The following JMY variants were observed in gnomAD, a reference collection of about 807,000 sequenced individuals.
The protein encoded by JMY is junction-mediating and -regulatory protein.
In JMY, 46 loss-of-function variants were observed where a neutral mutation model predicts 103.3. That is an observed-to-expected ratio of 0.45 (90% CI 0.35 to 0.57). The LOEUF (loss-of-function observed/expected upper bound fraction) is 0.57. JMY is among the 20% of genes least tolerant of loss of function. The pLI, the probability that JMY is intolerant of heterozygous loss-of-function variation, is 0.00. For missense variants in JMY, 1,238 were observed against 1,255.2 expected, an observed-to-expected ratio of 0.99 and a Z score of 0.21; for synonymous variants, 526 against 489.3, an observed-to-expected ratio of 1.07 and a Z score of -0.99.
intron 2 of JMY, 77 bp downstream of exon 2, chr5:79,278,160 A>G: frequency 1.9e-6 from 2 of 1,028,440 alleles, no homozygotes; most frequent in Non-Finnish European, 2.7e-6. Context: ...GTTATCCACA[A>G]GAGGAACTTT....
intron 1 of JMY, among the ~76,000 whole-genome samples, chr5:79,258,614 C>G (rs1013575374): frequency 3.3e-5 from 5 of 152,044 alleles, no homozygotes; most frequent in Admixed American, 6.5e-5. Flanking sequence ...GGTGGTGGGG[C>G]GGGCAGCTCC....
At chr5:79,310,308 G>A (rs1561313997) in intron 7 of JMY, among the ~76,000 whole-genome samples, 2 of 152,050 alleles carry the variant, frequency 1.3e-5, no homozygotes, top group Middle Eastern at 3.4e-3. Context: ...TTATCTGCCC[G>A]CCTCGCCTTC....
chr5:79,286,639 T>TA (rs58505099), intron 2 of JMY, among the ~76,000 whole-genome samples: 1,815 of 134,746 alleles, frequency 0.013, 20 homozygotes, highest in African/African-American at 0.032. Flanking sequence ...CAAGACTCCA[T>TA]AAAAAAAAAA....
rs1404063851 is a variant in JMY at position 79,271,313 on chromosome 5, C to T, written c.1033-6597C>T. ...TTCCAAAGTGCTGGGGTTACAGGTG[C>T]AATCCATCATGCTCAGCCTGTAGTT... On this transcript the variant is annotated intron_variant, in intron 1 of 10. Transcript: ENST00000396137. Among the ~76,000 whole-genome samples the T allele has an allele frequency of 2.0e-5, 3 of 151,924 alleles. No homozygotes were observed. The East Asian group carries it at 5.8e-4, about 29-fold the overall frequency.
intron 1 of JMY, 30 bp downstream of exon 1, chr5:79,237,712 T>TA: frequency 6.4e-7 from 1 of 1,573,388 alleles, no homozygotes; most frequent in Non-Finnish European, 8.6e-7. Context: ...GTCTGGGCTC[T>TA]ACTGGTCGCT....
intron 1 of JMY, among the ~76,000 whole-genome samples, chr5:79,262,846 T>C (rs544606887): frequency 2.5e-4 from 38 of 152,336 alleles, no homozygotes; most frequent in African/African-American, 8.7e-4. Flanking sequence ...AATGTTTGGA[T>C]AGAGTAACTG....
chr5:79,321,860 A>C lies in JMY; in HGVS notation c.*258A>C, dbSNP rs1747462947. On this transcript the variant is annotated 3_prime_UTR_variant, in exon 11 of 11. Transcript: ENST00000396137. ...GGCCTTCTGGAGATTTCTGTTTTTT[A>C]AGCACATTCTCCTTCCATCCACATA... is the stretch of plus-strand genomic sequence containing the variant. The C allele has an allele frequency of 6.6e-6, 1 of 152,154 alleles. No homozygotes were observed. Among genetic ancestry groups the C allele is most frequent in the Non-Finnish European group, 1.5e-5 (1 of 68,030 alleles). The allele number at this position is 152,154 out of a possible 1,614,324, so 9.4% of individuals were successfully genotyped here. A position where few individuals can be genotyped will look rare whatever the true frequency, so the allele number is the denominator to read the frequency against.
At chr5:79,280,314 C>T (rs1331604023) in intron 2 of JMY, among the ~76,000 whole-genome samples, 4 of 152,156 alleles carry the variant, frequency 2.6e-5, no homozygotes, top group African/African-American at 9.7e-5. Flanking sequence ...TGTACACATT[C>T]TTTTACATAA....
At chr5:79,247,856 T>G (rs935252303) in intron 1 of JMY, among the ~76,000 whole-genome samples, 3 of 150,060 alleles carry the variant, frequency 2.0e-5, no homozygotes, top group Non-Finnish European at 3.0e-5. Context: ...TTTTATTTTA[T>G]TTTTTATATT....
At chr5:79,274,922 G>T (rs141104568) in intron 1 of JMY, among the ~76,000 whole-genome samples, 1 of 152,292 alleles carries the variant, frequency 6.6e-6, no homozygotes, top group East Asian at 1.9e-4. Context: ...GGCAGCAGAT[G>T]AAATATTTAT....
intron 4 of JMY, among the ~76,000 whole-genome samples, chr5:79,297,847 C>T (rs1580362731): frequency 6.6e-6 from 1 of 152,034 alleles, no homozygotes; most frequent in Non-Finnish European, 1.5e-5. Flanking sequence ...TAGAACTCAC[C>T]GAACCAAAAA....
chr5:79,238,770 C>T (rs777513150), intron 1 of JMY, among the ~76,000 whole-genome samples: 2 of 151,546 alleles, frequency 1.3e-5, no homozygotes, highest in Non-Finnish European at 2.9e-5. Context: ...GCCTCAGACT[C>T]CTGAGTAGCT....
intron 1 of JMY, among the ~76,000 whole-genome samples, chr5:79,275,184 G>A (rs1236223049): frequency 6.8e-6 from 1 of 146,982 alleles, no homozygotes; most frequent in Non-Finnish European, 1.5e-5. Flanking sequence ...TGGAGATGGA[G>A]TCTTGCTCTG....
At chr5:79,242,249 A>T (rs760725588) in intron 1 of JMY, among the ~76,000 whole-genome samples, 1 of 152,200 alleles carries the variant, frequency 6.6e-6, no homozygotes, top group Non-Finnish European at 1.5e-5. Flanking sequence ...ACCTAGGTTG[A>T]AAATAGGACT....
Position 79,314,642 on chromosome 5 carries a change from C to T in JMY, c.2450C>T (p.Pro817Leu), listed in dbSNP as rs200621350. The T allele has an allele frequency of 1.4e-6, 2 of 1,453,264 alleles. No individual in the cohort carries two copies. The highest frequency in any genetic ancestry group is 2.1e-4 in the Middle Eastern group (1 of 4,688). The allele number at this position is 1,453,264 out of a possible 1,614,324, so 90.0% of individuals were successfully genotyped here. A position where few individuals can be genotyped will look rare whatever the true frequency, so the allele number is the denominator to read the frequency against. Residue 817 changes from proline (P) to leucine (L), a missense_variant, in exon 9 of 11, where the codon CCT (proline) becomes CTT (leucine). Transcript: ENST00000396137. Reference protein sequence around the residue: ...LPPTPPPPPPPPPPPPPPPLP... With the variant: ...LPPTPPPPPPLPPPPPPPPLP... The stretch of plus-strand genomic sequence containing the variant: ...CCAACACCACCACCTCCCCCACCTC[C>T]TCCCCCTCCCCCACCACCACCACCT...
chr5:79,236,838 G>T lies in JMY; in HGVS notation c.188G>T (p.Gly63Val). ...RQRSGSREQA[G>V]ARGGAEAGGA... ...AGGAGCGGCTCCCGGGAGCAAGCGG[G>T]GGCGCGAGGGGGCGCCGAGGCCGGC... Residue 63 changes from glycine (G) to valine (V), a missense_variant, in exon 1 of 11, where the codon GGG (glycine) becomes GTG (valine). Transcript: ENST00000396137. 6.9e-7 allele frequency: 1 copy of T among 1,452,048 alleles called. No homozygotes were observed. The allele number at this position is 1,452,048 out of a possible 1,614,324, so 89.9% of individuals were successfully genotyped here.
chr5:79,246,885 A>C lies in JMY; in HGVS notation c.1032+9203A>C, dbSNP rs557904814. 1.2e-3 allele frequency among the ~76,000 whole-genome samples: 179 copies of C among 152,264 alleles called. 1 individual carries two copies. The highest frequency in any genetic ancestry group is 2.2e-3 in the Non-Finnish European group (151 of 68,020). The stretch of plus-strand genomic sequence containing the variant: ...CGACAGAGCAAGACACCATCTCAAA[A>C]AAAAAAAAGTATGCTATAAAGCACT... On this transcript the variant is annotated intron_variant, in intron 1 of 10. Coordinates refer to ENST00000396137, the MANE Select transcript of JMY (RefSeq NM_152405.5).
At chr5:79,268,648 C>T (rs530972095) in intron 1 of JMY, among the ~76,000 whole-genome samples, 4 of 152,010 alleles carry the variant, frequency 2.6e-5, no homozygotes, top group South Asian at 2.1e-4. Context: ...CCACCATGCC[C>T]GGCTAATTTT....
Position 79,314,273 on chromosome 5 carries a change from T to C in JMY, c.2081T>C (p.Val694Ala). The change falls in exon 9 of 11, where the codon GTC (valine) becomes GCC (alanine). Residue 694 changes from valine to alanine, a missense_variant. Val to Ala is a moderately conservative substitution (Grantham distance 64, BLOSUM62 0). Transcript: ENST00000396137. The part of the protein sequence containing the change: ...RTFKQRYPGQ[V>A]ILKSTRLRLA... ...GTATTTTAGAGGTATCCTGGGCAAG[T>C]CATACTTAAATCAACCAGATTACGA... The C allele has an allele frequency of 6.2e-7, 1 of 1,611,450 alleles. No homozygotes were observed. The highest frequency in any genetic ancestry group is 8.5e-7 in the Non-Finnish European group (1 of 1,178,870).
Sources: allele counts gnomAD v4.1 joint callset (sites outside exome capture counted in the v4.1 genomes callset), GRCh38; gene constraint gnomAD v4.1.1; transcripts MANE v1.5; gene names NCBI Gene and HGNC (gene_info 2026-07-23, HGNC 2026-07-21).